The following LRRC4C variants were observed in gnomAD, a reference collection of about 807,000 sequenced individuals.
The protein encoded by LRRC4C is leucine-rich repeat-containing protein 4C.
Under a neutral mutation model 33.6 loss-of-function variants are expected in LRRC4C, and 5 were observed. The observed-to-expected ratio is 0.15, with a 90% CI of 0.08 to 0.31. The LOEUF (loss-of-function observed/expected upper bound fraction) is 0.31, where lower values mean the gene tolerates loss of function less well. LRRC4C is among the 10% of genes least tolerant of loss of function. The pLI is 1.00. For missense variants in LRRC4C, 560 were observed against 796.7 expected (o/e 0.70, Z 3.58); for synonymous variants, 329 against 302.0 (o/e 1.09, Z -0.93).
At chr11:40,732,310 T>C (rs1947627046) in intron 2 of LRRC4C, among the ~76,000 whole-genome samples, 1 of 152,124 alleles carries the variant, frequency 6.6e-6, no homozygotes, top group Non-Finnish European at 1.5e-5. Flanking sequence ...GGATGAAAGC[T>C]CTCCCAAAAA....
intron 2 of LRRC4C, among the ~76,000 whole-genome samples, chr11:40,752,152 T>C (rs1377781886): frequency 1.3e-5 from 2 of 152,022 alleles, no homozygotes; most frequent in Non-Finnish European, 2.9e-5. Context: ...TAAAGCTAGT[T>C]GAAGCAAATA....
chr11:41,230,381 A>G (rs1947731698), intron 1 of LRRC4C, among the ~76,000 whole-genome samples: 1 of 152,078 alleles, frequency 6.6e-6, no homozygotes, highest in Non-Finnish European at 1.5e-5. Context: ...ACTAGAAACC[A>G]TTGATAATGG....
intron 5 of LRRC4C, among the ~76,000 whole-genome samples, chr11:40,225,779 G>A (rs546702306): frequency 1.3e-5 from 2 of 152,082 alleles, no homozygotes; most frequent in Admixed American, 1.3e-4. Flanking sequence ...ACTACACCCG[G>A]CTAATATTTT....
intron 1 of LRRC4C, among the ~76,000 whole-genome samples, chr11:41,123,646 C>T (rs975004167): frequency 4.0e-5 from 6 of 151,484 alleles, no homozygotes; most frequent in African/African-American, 1.5e-4. Flanking sequence ...TAAATTAATT[C>T]ATTCTTTCCC....
intron 1 of LRRC4C, among the ~76,000 whole-genome samples, chr11:41,373,586 T>C (rs1268996886): frequency 6.6e-6 from 1 of 152,170 alleles, no homozygotes; most frequent in Non-Finnish European, 1.5e-5. Context: ...CTCAAAATAA[T>C]ACTCTCGGAA....
chr11:40,889,277 T>C (rs1955595365), intron 2 of LRRC4C, among the ~76,000 whole-genome samples: 1 of 152,138 alleles, frequency 6.6e-6, no homozygotes, highest in South Asian at 2.1e-4. Context: ...ATGCTCATAA[T>C]ATACTGTTTA....
chr11:40,453,645 C>A (rs554357241), intron 3 of LRRC4C, among the ~76,000 whole-genome samples: 8 of 150,554 alleles, frequency 5.3e-5, no homozygotes, highest in African/African-American at 1.7e-4. Context: ...GGACCAATAT[C>A]CCTTATCAGT....
chr11:40,331,507 A>T (rs1565281134), intron 3 of LRRC4C, among the ~76,000 whole-genome samples: 1 of 152,240 alleles, frequency 6.6e-6, no homozygotes, highest in Non-Finnish European at 1.5e-5. Flanking sequence ...ATTGACTGAA[A>T]CATGGATGGG....
chr11:40,615,709 C>T (rs1398900805), intron 3 of LRRC4C, among the ~76,000 whole-genome samples: 8 of 151,666 alleles, frequency 5.3e-5, no homozygotes. Flanking sequence ...TCAAAAATTA[C>T]ATTAAAAAGT....
At chr11:40,584,031 C>T (rs35402670) in intron 3 of LRRC4C, among the ~76,000 whole-genome samples, 65 of 151,194 alleles carry the variant, frequency 4.3e-4, no homozygotes, top group Non-Finnish European at 7.4e-4. Flanking sequence ...AGATCAGGGA[C>T]GGAAGAAACC....
chr11:40,228,048 C>A (rs1864937399), intron 5 of LRRC4C, among the ~76,000 whole-genome samples: 1 of 152,180 alleles, frequency 6.6e-6, no homozygotes, highest in Non-Finnish European at 1.5e-5. Flanking sequence ...AGATTCAAAT[C>A]CATGTCCTTC....
At chr11:40,729,298 G>T (rs112226734) in intron 2 of LRRC4C, among the ~76,000 whole-genome samples, 1 of 152,176 alleles carries the variant, frequency 6.6e-6, no homozygotes, top group Middle Eastern at 3.4e-3. Context: ...ACAGTCATTA[G>T]GTCAAAATAA....
chr11:40,925,051 G>T (rs904471820), intron 2 of LRRC4C, among the ~76,000 whole-genome samples: 10 of 152,104 alleles, frequency 6.6e-5, no homozygotes, highest in African/African-American at 2.4e-4. Context: ...CAGGGAGAGA[G>T]CAAATGTGCT....
At chr11:40,194,690 A>G (rs1862111517) in intron 5 of LRRC4C, among the ~76,000 whole-genome samples, 2 of 152,168 alleles carry the variant, frequency 1.3e-5, no homozygotes, top group Non-Finnish European at 2.9e-5. Flanking sequence ...TGATGGGTGC[A>G]GCAAACCACC....
At chr11:40,947,102 T>A (rs1412887401) in intron 1 of LRRC4C, among the ~76,000 whole-genome samples, 1 of 152,150 alleles carries the variant, frequency 6.6e-6, no homozygotes, top group Non-Finnish European at 1.5e-5. Flanking sequence ...TTTCATTGAA[T>A]AACCTTTGGA....
At chr11:40,601,566 G>A (rs1959994466) in intron 3 of LRRC4C, among the ~76,000 whole-genome samples, 1 of 152,160 alleles carries the variant, frequency 6.6e-6, no homozygotes, top group Non-Finnish European at 1.5e-5. Flanking sequence ...GATCAATCAA[G>A]TACAAAAATC....
chr11:41,444,573 C>T (rs1955759004), intron 1 of LRRC4C, among the ~76,000 whole-genome samples: 1 of 152,144 alleles, frequency 6.6e-6, no homozygotes, highest in Admixed American at 6.6e-5. Context: ...CATTGAACCA[C>T]AGTAGACAAA....
chr11:40,572,334 A>G (rs1958015352), intron 3 of LRRC4C, among the ~76,000 whole-genome samples: 1 of 152,196 alleles, frequency 6.6e-6, no homozygotes, highest in Non-Finnish European at 1.5e-5. Context: ...ACACTATCTG[A>G]GAGAAAGAGT....
intron 1 of LRRC4C, among the ~76,000 whole-genome samples, chr11:41,054,855 A>C (rs1396627191): frequency 6.6e-6 from 1 of 152,176 alleles, no homozygotes; most frequent in East Asian, 1.9e-4. Flanking sequence ...AGAAGCCTGA[A>C]CTATCATGAG....
Sources: allele counts gnomAD v4.1 joint callset (sites outside exome capture counted in the v4.1 genomes callset), GRCh38; gene constraint gnomAD v4.1.1; transcripts MANE v1.5; gene names NCBI Gene and HGNC (gene_info 2026-07-23, HGNC 2026-07-21).